PLCB1: variants seen among roughly 807,000 people sequenced by gnomAD.
PLCB1 encodes the protein phospholipase C beta 1, also known as 1-phosphatidylinositol 4,5-bisphosphate phosphodiesterase beta-1.
A neutral mutation model predicts 161.8 loss-of-function variants in PLCB1; 46 were observed. That is an observed-to-expected ratio of 0.28 (90% CI 0.22 to 0.36). The LOEUF (loss-of-function observed/expected upper bound fraction) is 0.36, where lower values mean the gene tolerates loss of function less well. Among genes scored for constraint, PLCB1 ranks in the 10% least tolerant of loss-of-function variants. The pLI, the probability that PLCB1 is intolerant of heterozygous loss-of-function variation, is 1.00. For missense variants in PLCB1, 1,016 were observed against 1,472.5 expected, an observed-to-expected ratio of 0.69 and a Z score of 5.07; for synonymous variants, 517 against 503.7, an observed-to-expected ratio of 1.03 and a Z score of -0.35.
At chr20:8,609,818 T>C (rs1350096660) in intron 3 of PLCB1, among the ~76,000 whole-genome samples, 4 of 152,168 alleles carry the variant, frequency 2.6e-5, no homozygotes, top group African/African-American at 9.6e-5. Context: ...GCCAGCTTCA[T>C]ACATGTGTTC....
At chr20:8,422,542 C>T (rs2122550081) in intron 3 of PLCB1, among the ~76,000 whole-genome samples, 1 of 152,270 alleles carries the variant, frequency 6.6e-6, no homozygotes, top group East Asian at 1.9e-4. Flanking sequence ...TATTTAAGGT[C>T]TGTATGTGAT....
chr20:8,269,399 G>A (rs1170659535), intron 2 of PLCB1, among the ~76,000 whole-genome samples: 1 of 152,098 alleles, frequency 6.6e-6, no homozygotes, highest in Non-Finnish European at 1.5e-5. Flanking sequence ...ATGCAAAATG[G>A]TAATAATAAT....
intron 3 of PLCB1, among the ~76,000 whole-genome samples, chr20:8,529,691 G>A (rs1984723530): frequency 6.6e-6 from 1 of 152,038 alleles, no homozygotes; most frequent in Non-Finnish European, 1.5e-5. Flanking sequence ...AAATAAGCTA[G>A]TCTCCCTCAC....
intron 23 of PLCB1, among the ~76,000 whole-genome samples, chr20:8,756,213 T>G: frequency 6.6e-6 from 1 of 152,330 alleles, no homozygotes; most frequent in South Asian, 2.1e-4. Flanking sequence ...ACTTTATAAG[T>G]ATTAACTTAT....
chr20:8,855,823 T>G (rs1411206114), intron 31 of PLCB1, among the ~76,000 whole-genome samples: 1 of 152,224 alleles, frequency 6.6e-6, no homozygotes, highest in Non-Finnish European at 1.5e-5. Context: ...TCACTTAAAT[T>G]TTGTGGTCTT....
intron 11 of PLCB1, among the ~76,000 whole-genome samples, chr20:8,705,727 T>C (rs1483698193): frequency 6.6e-6 from 1 of 152,186 alleles, no homozygotes; most frequent in African/African-American, 2.4e-5. Context: ...GCATGCTTGA[T>C]GTATTCAAGG....
intron 3 of PLCB1, among the ~76,000 whole-genome samples, chr20:8,548,154 C>A (rs971631662): frequency 6.7e-6 from 1 of 148,822 alleles, no homozygotes; most frequent in East Asian, 2.1e-4. Context: ...CTTTCTTTCT[C>A]TCTTTCTCTT....
intron 31 of PLCB1, among the ~76,000 whole-genome samples, chr20:8,837,733 G>A (rs1986343669): frequency 6.6e-6 from 1 of 152,214 alleles, no homozygotes; most frequent in African/African-American, 2.4e-5. Flanking sequence ...AAGTAAGTTT[G>A]TGAGGGAGTC....
intron 2 of PLCB1, among the ~76,000 whole-genome samples, chr20:8,337,358 T>G (rs1019570838): frequency 6.6e-6 from 1 of 152,228 alleles, no homozygotes; most frequent in Non-Finnish European, 1.5e-5. Flanking sequence ...CTCACTGTTA[T>G]AGCCATATTG....
At chr20:8,201,429 C>CA (rs1363243513) in intron 2 of PLCB1, among the ~76,000 whole-genome samples, 1 of 151,832 alleles carries the variant, frequency 6.6e-6, no homozygotes, top group African/African-American at 2.4e-5. Context: ...GAAAAAAATC[C>CA]AAAAATTTTT....
chr20:8,196,125 C>T (rs1308155047), intron 2 of PLCB1, among the ~76,000 whole-genome samples: 1 of 152,104 alleles, frequency 6.6e-6, no homozygotes, highest in African/African-American at 2.4e-5. Context: ...ATTGTCTCCA[C>T]CTGGCCCCTC....
intron 4 of PLCB1, among the ~76,000 whole-genome samples, chr20:8,644,711 T>G: frequency 1.4e-5 from 2 of 141,806 alleles, no homozygotes; most frequent in African/African-American, 2.7e-5. Context: ...GGTGGGGGGG[T>G]CAGCCCCCCG....
Position 8,790,178 on chromosome 20 carries a change from G to C in PLCB1, c.3340G>C (p.Glu1114Gln). 6.2e-7 allele frequency: 1 copy of C among 1,606,844 alleles called. No individual in the cohort carries two copies. The highest frequency in any genetic ancestry group is 8.5e-7 in the Non-Finnish European group (1 of 1,174,520). ...GTTTCTTGTAACTTTCTTATAGCTAGAAGAAGCGCAAAGTAAACGGCAAGA... is the reference window on the plus strand; with the variant it reads ...GTTTCTTGTAACTTTCTTATAGCTACAAGAAGCGCAAAGTAAACGGCAAGA... Reference protein sequence around the residue: ...QEVVQYIKRLEEAQSKRQEKL... With the variant: ...QEVVQYIKRLQEAQSKRQEKL... Residue 1114 changes from glutamate to glutamine, a missense_variant, in exon 31 of 32, where the codon GAA becomes CAA. Coordinates refer to ENST00000338037, the MANE Select transcript of PLCB1 (RefSeq NM_015192.4).
At chr20:8,204,828 A>G (rs566975326) in intron 2 of PLCB1, among the ~76,000 whole-genome samples, 12 of 152,288 alleles carry the variant, frequency 7.9e-5, no homozygotes, top group Admixed American at 7.9e-4. Context: ...TATTCAACAA[A>G]TATTTATAAA....
intron 3 of PLCB1, among the ~76,000 whole-genome samples, chr20:8,443,317 G>T (rs1980657655): frequency 6.6e-6 from 1 of 152,072 alleles, no homozygotes; most frequent in Non-Finnish European, 1.5e-5. Flanking sequence ...GTTGACTGTG[G>T]GTCCTAACCA....
chr20:8,398,083 C>T (rs1461476057), intron 3 of PLCB1, among the ~76,000 whole-genome samples: 2 of 152,014 alleles, frequency 1.3e-5, no homozygotes, highest in East Asian at 1.9e-4. Context: ...ACAGTCTCAC[C>T]ACAAAGTGTA....
At chr20:8,611,591 C>T (rs1038044800) in intron 3 of PLCB1, among the ~76,000 whole-genome samples, 2 of 152,042 alleles carry the variant, frequency 1.3e-5, no homozygotes, top group Non-Finnish European at 2.9e-5. Context: ...CCTATAAAAA[C>T]AATTTCTTTA....
At chr20:8,537,322 G>C (rs557514993) in intron 3 of PLCB1, among the ~76,000 whole-genome samples, 1 of 152,106 alleles carries the variant, frequency 6.6e-6, no homozygotes, top group African/African-American at 2.4e-5. Flanking sequence ...CCCTTTTCCG[G>C]TGGAATGCCC....
At chr20:8,469,839 A>G (rs1981975845) in intron 3 of PLCB1, among the ~76,000 whole-genome samples, 1 of 152,182 alleles carries the variant, frequency 6.6e-6, no homozygotes, top group African/African-American at 2.4e-5. Flanking sequence ...GTTTCAGCGT[A>G]TTCGTAGAGT....
Sources: gnomAD v4.1 joint callset for allele counts (sites outside exome capture counted in the v4.1 genomes callset) on GRCh38, gnomAD v4.1.1 for gene constraint, MANE v1.5 for transcripts, NCBI Gene and HGNC (gene_info 2026-07-23, HGNC 2026-07-21) for gene names.